DNAJC11: variants seen among roughly 807,000 people sequenced by gnomAD.
The protein encoded by DNAJC11 is dnaJ homolog subfamily C member 11.
A neutral mutation model predicts 78.6 loss-of-function variants in DNAJC11; 15 were observed. The ratio of observed to expected loss-of-function variants is 0.19; its 90% CI spans 0.13 to 0.29. The LOEUF (loss-of-function observed/expected upper bound fraction) is 0.29. Ranked by LOEUF, DNAJC11 falls within the 10% of genes least tolerant of loss-of-function variation. The pLI, the probability that DNAJC11 is intolerant of heterozygous loss-of-function variation, is 1.00. For synonymous variants in DNAJC11, 292 were observed against 272.1 expected (o/e 1.07, Z -0.72); for missense variants, 547 against 709.6 (o/e 0.77, Z 2.60).
intron 1 of DNAJC11, among the ~76,000 whole-genome samples, chr1:6,692,638 T>C (rs1399571952): frequency 7.1e-6 from 1 of 141,528 alleles, no homozygotes; most frequent in Non-Finnish European, 1.5e-5. Flanking sequence ...GAGATGGAGT[T>C]TTGCTCTTGT....
intron 7 of DNAJC11, among the ~76,000 whole-genome samples, chr1:6,647,866 T>G (rs1641990099): frequency 6.6e-6 from 1 of 152,116 alleles, no homozygotes; most frequent in African/African-American, 2.4e-5. Flanking sequence ...TGGTCACACA[T>G]CACCCCCTTG....
intron 1 of DNAJC11, among the ~76,000 whole-genome samples, chr1:6,701,109 T>C (rs781748553): frequency 1.6e-4 from 25 of 152,298 alleles, no homozygotes; most frequent in Admixed American, 3.9e-4. Context: ...CTTCCTAATC[T>C]GCAGCCTCCG....
chr1:6,662,856 C>T (rs527378816), intron 4 of DNAJC11, among the ~76,000 whole-genome samples: 1 of 152,266 alleles, frequency 6.6e-6, no homozygotes, highest in Admixed American at 6.5e-5. Context: ...CTCGGGTCCC[C>T]TTCCACACTG....
intron 1 of DNAJC11, among the ~76,000 whole-genome samples, chr1:6,683,379 G>C (rs1164622501): frequency 2.0e-5 from 3 of 152,204 alleles, no homozygotes; most frequent in Admixed American, 2.0e-4. Flanking sequence ...CTCCATAAAA[G>C]GGGATGACAA....
intron 4 of DNAJC11, among the ~76,000 whole-genome samples, chr1:6,664,679 T>C (rs1023789535): frequency 1.3e-5 from 2 of 152,226 alleles, no homozygotes; most frequent in African/African-American, 4.8e-5. Context: ...TTTGCATTTA[T>C]ATAGCAAGAT....
chr1:6,650,032 C>T (rs1001847620), intron 7 of DNAJC11, among the ~76,000 whole-genome samples: 7 of 151,954 alleles, frequency 4.6e-5, no homozygotes, highest in Admixed American at 4.6e-4. Flanking sequence ...ACCTGTAATG[C>T]CAGCACTTTG....
intron 1 of DNAJC11, among the ~76,000 whole-genome samples, chr1:6,698,349 TCTGA>T (rs746918590): frequency 1.3e-5 from 2 of 152,206 alleles, no homozygotes; most frequent in Admixed American, 6.5e-5. Context: ...TTAAGATTAC[TCTGA>T]CTTTTTTCCA....
At chr1:6,666,245 A>C (rs957693325) in intron 4 of DNAJC11, among the ~76,000 whole-genome samples, 1 of 152,198 alleles carries the variant, frequency 6.6e-6, no homozygotes, top group Non-Finnish European at 1.5e-5. Context: ...GGATTCAAAG[A>C]GATGGACATG....
At position 6,637,186 on chromosome 1, in the gene DNAJC11, G is replaced by A. The variant is rs753184080; in HGVS notation, c.1524+12C>T. 5.6e-6 allele frequency: 9 copies of A among 1,613,846 alleles called. No individual in the cohort carries two copies. The African/African-American group carries it at 1.2e-4, about 22-fold the overall frequency. On this transcript the variant is annotated intron_variant, in intron 14 of 15. Coordinates refer to ENST00000377577, the MANE Select transcript of DNAJC11 (RefSeq NM_018198.4). ...GTGAGCACATAGCATGTGGTGGCTG[G>A]TGCTGCTGTACCTTGGAGGCCTCCG...
At chr1:6,649,546 C>G (rs1642022315) in intron 7 of DNAJC11, among the ~76,000 whole-genome samples, 1 of 152,160 alleles carries the variant, frequency 6.6e-6, no homozygotes, top group Non-Finnish European at 1.5e-5. Flanking sequence ...GGCTCTCTCC[C>G]AACTTCTCCT....
Position 6,677,158 on chromosome 1 carries a change from C to CAAAAAAAAAAAAAAAAAAAAAAAAAAA in DNAJC11, c.276+1235_276+1236insTTTTTTTTTTTTTTTTTTTTTTTTTTT. 4.0e-5 allele frequency among the ~76,000 whole-genome samples: 2 copies of CAAAAAAAAAAAAAAAAAAAAAAAAAAA among 49,480 alleles called. 1 individual carries two copies. Among genetic ancestry groups the CAAAAAAAAAAAAAAAAAAAAAAAAAAA allele is most frequent in the Non-Finnish European group, 8.2e-5 (2 of 24,346 alleles). 32.5% of individuals were successfully genotyped at this position (49,480 alleles called of 152,430 possible). ...GGGCAACAAGAGCAAAACTTGGTCT[C>CAAAAAAAAAAAAAAAAAAAAAAAAAAA]AAAAAAAAAAAAAAAACAAAAAAAA... On this transcript the variant is annotated intron_variant, in intron 3 of 15. Coordinates refer to ENST00000377577, the MANE Select transcript of DNAJC11 (RefSeq NM_018198.4).
At chr1:6,687,803 T>C (rs1294945412) in intron 1 of DNAJC11, among the ~76,000 whole-genome samples, 2 of 152,124 alleles carry the variant, frequency 1.3e-5, no homozygotes, top group Admixed American at 6.5e-5. Context: ...TAAACCCCAA[T>C]GATGTATTTG....
At chr1:6,672,047 C>T (rs1642389210) in intron 3 of DNAJC11, among the ~76,000 whole-genome samples, 1 of 152,028 alleles carries the variant, frequency 6.6e-6, no homozygotes. Flanking sequence ...GTTGGCCAGG[C>T]TGGTCTTGAA....
At chr1:6,683,742 A>G (rs941459109) in intron 1 of DNAJC11, among the ~76,000 whole-genome samples, 4 of 152,236 alleles carry the variant, frequency 2.6e-5, no homozygotes, top group African/African-American at 9.6e-5. Flanking sequence ...TTCATTCATG[A>G]AGCAGTCCTG....
In DNAJC11 at chr1:6,667,169, C is replaced by T. The variant is rs117341271; in HGVS notation, c.378+540G>A. Among the ~76,000 whole-genome samples, 35 of 152,310 alleles carry T rather than the reference C, an allele frequency of 2.3e-4. No homozygotes were observed. In the East Asian group the frequency reaches 5.4e-3, roughly 24 times the overall value. On this transcript the variant is annotated intron_variant, in intron 4 of 15. Coordinates refer to ENST00000377577, the MANE Select transcript of DNAJC11 (RefSeq NM_018198.4). Reference sequence around the variant, plus strand: ...GATGCTGCTCAAACAACCCAGTGACCGGTGGTCACGGCACCAATGCCCTGG... The same window carrying T: ...GATGCTGCTCAAACAACCCAGTGACTGGTGGTCACGGCACCAATGCCCTGG...
intron 14 of DNAJC11, 37 bp downstream of exon 14, chr1:6,637,161 G>C: frequency 6.2e-7 from 1 of 1,612,986 alleles, no homozygotes; most frequent in Non-Finnish European, 8.5e-7. Flanking sequence ...GTTCAAATCT[G>C]TGAGCACATA....
At chr1:6,700,176 T>C (rs1456800372) in intron 1 of DNAJC11, among the ~76,000 whole-genome samples, 1 of 152,158 alleles carries the variant, frequency 6.6e-6, no homozygotes, top group Admixed American at 6.5e-5. Flanking sequence ...CTTAAGAAGG[T>C]ACTTTGTAAT....
At position 6,677,304 on chromosome 1, in the gene DNAJC11, T is replaced by G. The variant is rs375416646; in HGVS notation, c.276+1090A>C. Among the ~76,000 whole-genome samples the G allele has an allele frequency of 3.8e-4, 58 of 152,284 alleles. 1 individual carries two copies. The South Asian group carries it at 0.012, about 31-fold the overall frequency. ...GCATCAGAACCAAGTTTCTTTCTTT[T>G]TTTTGTGAGACAGGGTCTTGCTCTG... On this transcript the variant is annotated intron_variant, in intron 3 of 15. Transcript: ENST00000377577.
intron 1 of DNAJC11, among the ~76,000 whole-genome samples, chr1:6,697,326 G>A (rs184624475): frequency 6.6e-6 from 1 of 152,298 alleles, no homozygotes. Flanking sequence ...CAACAATGGG[G>A]TCTCCAACCT....
Sources: allele counts gnomAD v4.1 joint callset (sites outside exome capture counted in the v4.1 genomes callset), GRCh38; gene constraint gnomAD v4.1.1; transcripts MANE v1.5; gene names NCBI Gene and HGNC (gene_info 2026-07-23, HGNC 2026-07-21).